Variants in PCNP observed in about 807,000 individuals in gnomAD.
PCNP encodes the protein PEST proteolytic signal-containing nuclear protein.
A neutral mutation model predicts 21.8 loss-of-function variants in PCNP; 6 were observed. That is an observed-to-expected ratio of 0.28 (90% CI 0.15 to 0.54). PCNP has a LOEUF of 0.54. Among genes scored for constraint, PCNP ranks in the 20% least tolerant of loss-of-function variants. The pLI is 0.95. For synonymous variants in PCNP, 67 were observed against 73.2 expected (o/e 0.92, Z 0.43); for missense variants, 161 against 215.5 (o/e 0.75, Z 1.58).
Position 101,576,578 on chromosome 3 carries a change from G to T in PCNP, c.64+2299G>T. 3.7e-6 allele frequency: 6 copies of T among 1,610,920 alleles called. 1 individual carries two copies. The East Asian group carries it at 1.3e-4, about 36-fold the overall frequency. Reference sequence around the variant, plus strand: ...CGGACACGAAGGCCCCAGAAGTGACGCAGCCCTCTATGGGCCCGAATCTTC... The same window carrying T: ...CGGACACGAAGGCCCCAGAAGTGACTCAGCCCTCTATGGGCCCGAATCTTC... On this transcript the variant is annotated intron_variant, in intron 1 of 4. Coordinates refer to ENST00000265260, the MANE Select transcript of PCNP (RefSeq NM_020357.3).
intron 1 of PCNP, chr3:101,576,658 T>A (rs35917542): frequency 0.16 from 249,998 of 1,611,642 alleles, 19,919 homozygotes; most frequent in South Asian, 0.19. Flanking sequence ...GGCTAGGACC[T>A]GGCTATATTT....
intron 2 of PCNP, among the ~76,000 whole-genome samples, chr3:101,581,821 A>G (rs1341171136): frequency 2.7e-5 from 4 of 150,926 alleles, no homozygotes; most frequent in Non-Finnish European, 4.4e-5. Flanking sequence ...GCTCACTGCA[A>G]CCTCTGACTC....
intron 3 of PCNP, among the ~76,000 whole-genome samples, chr3:101,587,779 C>G (rs1040069254): frequency 2.0e-5 from 3 of 151,876 alleles, no homozygotes; most frequent in Non-Finnish European, 4.4e-5. Context: ...TTTGATTCAG[C>G]CTATTCAGAT....
chr3:101,580,124 C>CT, intron 2 of PCNP, 120 bp downstream of exon 2: 1 of 701,438 alleles, frequency 1.4e-6, no homozygotes, highest in Non-Finnish European at 2.5e-6. Context: ...GAGAAGTAAT[C>CT]TTTGACGTAT....
rs947504054 is a variant in PCNP, at chr3:101,588,225, C to T, written c.355-1990C>T. Among the ~76,000 whole-genome samples the T allele has an allele frequency of 6.6e-5, 10 of 152,184 alleles. No individual in the cohort carries two copies. The East Asian group carries it at 1.5e-3, about 23-fold the overall frequency. On this transcript the variant is annotated intron_variant, in intron 3 of 4. Transcript: ENST00000265260. ...GGTGGAGGTTGCAGTGAGCCGAGAT[C>T]GCGCCACTGCACTCCAGCCTGGGCA...
In PCNP at chr3:101,586,203, A is replaced by G. The variant is rs1261963302; in HGVS notation, c.354+692A>G. On this transcript the variant is annotated intron_variant, in intron 3 of 4. Coordinates refer to ENST00000265260, the MANE Select transcript of PCNP (RefSeq NM_020357.3). ...AAAAAAAAAAAAAAAAAAAATGTCA[A>G]CTATTGTGCTCACTTCCCATATCCC... Among the ~76,000 whole-genome samples, 10 of 148,588 alleles carry G rather than the reference A, an allele frequency of 6.7e-5. No individual in the cohort carries two copies. In the East Asian group the frequency reaches 1.2e-3, roughly 18 times the overall value.
rs546693303 is a variant in PCNP at position 101,584,324 on chromosome 3, G to A, written c.280-1113G>A. Among the ~76,000 whole-genome samples the A allele has an allele frequency of 4.6e-5, 7 of 152,230 alleles. No homozygotes were observed. In the South Asian group the frequency reaches 8.3e-4, roughly 18 times the overall value. On this transcript the variant is annotated intron_variant, in intron 2 of 4. Transcript: ENST00000265260. Reference sequence around the variant, plus strand: ...TAATTTAAAAAAAAATTTTTTTAGAGATGGGGGACTTGCTGTGTTGACCAG... The same window carrying A: ...TAATTTAAAAAAAAATTTTTTTAGAAATGGGGGACTTGCTGTGTTGACCAG...
chr3:101,591,213 A>G (rs1429728332), intron 4 of PCNP, among the ~76,000 whole-genome samples: 1 of 152,206 alleles, frequency 6.6e-6, no homozygotes, highest in Non-Finnish European at 1.5e-5. Context: ...TGGAGATAAC[A>G]TTTATTTTTA....
In PCNP at chr3:101,592,969, C is replaced by G. The variant is rs558033533; in HGVS notation, c.*216C>G. On this transcript the variant is annotated 3_prime_UTR_variant, in exon 5 of 5. Transcript: ENST00000265260. ...AAGACATTTGCTAATTTTGTAGTTTCATGTGATTAGTTTCCAAAGGTTACA... is the reference window on the plus strand; with the variant it reads ...AAGACATTTGCTAATTTTGTAGTTTGATGTGATTAGTTTCCAAAGGTTACA... 3 of 333,988 alleles carry G rather than the reference C, an allele frequency of 9.0e-6. No individual in the cohort carries two copies. Among genetic ancestry groups the G allele is most frequent in the Non-Finnish European group, 1.6e-5 (3 of 185,566 alleles). The allele number at this position is 333,988 out of a possible 1,614,324, so 20.7% of individuals were successfully genotyped here.
intron 1 of PCNP, among the ~76,000 whole-genome samples, chr3:101,576,323 C>T (rs180854833): frequency 1.3e-5 from 2 of 151,354 alleles, no homozygotes; most frequent in Non-Finnish European, 2.9e-5. Flanking sequence ...CAAACTCCGT[C>T]TCCCCGATTC....
At chr3:101,582,599 A>G (rs915793388) in intron 2 of PCNP, among the ~76,000 whole-genome samples, 31 of 152,268 alleles carry the variant, frequency 2.0e-4, no homozygotes, top group Admixed American at 1.4e-3. Flanking sequence ...TAAATACATG[A>G]CATCTTTAAA....
chr3:101,590,110 T>G (rs1935729286), intron 3 of PCNP, 105 bp from the exon 4 acceptor site: 2 of 681,136 alleles, frequency 2.9e-6, no homozygotes, highest in East Asian at 2.8e-5. Flanking sequence ...AAATTTACAG[T>G]AGTGAAAATG....
At chr3:101,576,381 C>G in intron 1 of PCNP, 1 of 841,554 alleles carries the variant, frequency 1.2e-6, no homozygotes, top group Non-Finnish European at 1.7e-6. Context: ...ACTACAGGCG[C>G]GGGCCACCAC....
intron 3 of PCNP, among the ~76,000 whole-genome samples, chr3:101,589,371 C>T (rs1935687976): frequency 6.6e-6 from 1 of 150,878 alleles, no homozygotes; most frequent in African/African-American, 2.4e-5. Context: ...CCACAATTTT[C>T]AACACCTATA....
intron 4 of PCNP, among the ~76,000 whole-genome samples, chr3:101,591,647 A>G (rs1935812907): frequency 6.6e-6 from 1 of 151,760 alleles, no homozygotes; most frequent in South Asian, 2.1e-4. Context: ...ATGTATCTTC[A>G]TGTTTTTCTT....
Position 101,586,571 on chromosome 3 carries a change from TGAGAGA to T in PCNP, c.354+1074_354+1079del, listed in dbSNP as rs1553771573. Among the ~76,000 whole-genome samples the T allele has an allele frequency of 1.3e-3, 145 of 114,204 alleles. 1 individual carries two copies. Among genetic ancestry groups the T allele is most frequent in the African/African-American group, 3.9e-3 (127 of 32,954 alleles). The allele number at this position is 114,204 out of a possible 152,430, so 74.9% of individuals were successfully genotyped here. A position where few individuals can be genotyped will look rare whatever the true frequency, so the allele number is the denominator to read the frequency against. On this transcript the variant is annotated intron_variant, in intron 3 of 4. Coordinates refer to ENST00000265260, the MANE Select transcript of PCNP (RefSeq NM_020357.3). ...GTGTGTGTGTGTGTGTGTGTGTGTG[TGAGAGA>T]GAGAGAGAGAGAGTTTCTTGTTTCA...
chr3:101,578,916 T>C (rs1935075628), intron 1 of PCNP, among the ~76,000 whole-genome samples: 1 of 152,188 alleles, frequency 6.6e-6, no homozygotes, highest in South Asian at 2.1e-4. Context: ...CAGCCAGCCT[T>C]CTTCTGTCTT....
chr3:101,574,630 A>G (rs1313035383), intron 1 of PCNP, among the ~76,000 whole-genome samples: 1 of 152,182 alleles, frequency 6.6e-6, no homozygotes, highest in African/African-American at 2.4e-5. Context: ...CGCACATCAC[A>G]CAAAACACAC....
At chr3:101,577,899 C>CA (rs1192104434) in intron 1 of PCNP, among the ~76,000 whole-genome samples, 6 of 151,632 alleles carry the variant, frequency 4.0e-5, no homozygotes, top group South Asian at 2.1e-4. Context: ...AATGAAAAAA[C>CA]AAAAAAATGC....
Sources: gnomAD v4.1 joint callset for allele counts (sites outside exome capture counted in the v4.1 genomes callset) on GRCh38, gnomAD v4.1.1 for gene constraint, MANE v1.5 for transcripts, NCBI Gene and HGNC (gene_info 2026-07-23, HGNC 2026-07-21) for gene names.